The following FNDC3A variants were observed in gnomAD, a reference collection of about 807,000 sequenced individuals.
FNDC3A encodes fibronectin type-III domain-containing protein 3A.
A neutral mutation model predicts 148.9 loss-of-function variants in FNDC3A; 32 were observed. The ratio of observed to expected loss-of-function variants is 0.21; its 90% CI spans 0.16 to 0.29. The LOEUF (loss-of-function observed/expected upper bound fraction) is 0.29. FNDC3A is among the 10% of genes least tolerant of loss of function. The pLI is 1.00. For missense variants in FNDC3A, 1,191 were observed against 1,452.8 expected (o/e 0.82, Z 2.93); for synonymous variants, 472 against 473.6 (o/e 1.00, Z 0.04).
intron 13 of FNDC3A, 79 bp from the exon 14 acceptor site, chr13:49,178,489 G>A (rs994608079): frequency 2.0e-5 from 17 of 851,820 alleles, no homozygotes; most frequent in Middle Eastern, 3.1e-4. Context: ...AGAGAAACCC[G>A]GGTCTTTTCA....
intron 1 of FNDC3A, among the ~76,000 whole-genome samples, chr13:48,984,573 C>G (rs1215811511): frequency 6.6e-6 from 1 of 152,150 alleles, no homozygotes; most frequent in Non-Finnish European, 1.5e-5. Flanking sequence ...AAGAACTGGT[C>G]TATAAAGGGT....
chr13:48,997,710 A>C (rs560481247), intron 1 of FNDC3A, among the ~76,000 whole-genome samples: 1 of 152,276 alleles, frequency 6.6e-6, no homozygotes, highest in East Asian at 1.9e-4. Flanking sequence ...TGGCCTCCGT[A>C]ACTGTTAAAA....
chr13:49,159,943 A>C lies in FNDC3A; in HGVS notation c.978-7301A>C, dbSNP rs570911614. Among the ~76,000 whole-genome samples the C allele has an allele frequency of 1.4e-3, 217 of 152,326 alleles. 1 individual carries two copies. Among genetic ancestry groups the C allele is most frequent in the Middle Eastern group, 0.01 (3 of 294 alleles). ...GTTTATTGATTTGCATACGTTGAAC[A>C]AGCCTTGCATCCCAGGGATGAAGCC... On this transcript the variant is annotated intron_variant, in intron 8 of 25. Coordinates refer to ENST00000492622, the MANE Select transcript of FNDC3A (RefSeq NM_001079673.2).
At chr13:48,991,830 A>C (rs1951925326) in intron 1 of FNDC3A, among the ~76,000 whole-genome samples, 1 of 152,248 alleles carries the variant, frequency 6.6e-6, no homozygotes, top group African/African-American at 2.4e-5. Context: ...GTCAGAAATG[A>C]GTTTAATTCA....
At chr13:49,205,418 T>C (rs1315588673) in intron 25 of FNDC3A, among the ~76,000 whole-genome samples, 1 of 152,214 alleles carries the variant, frequency 6.6e-6, no homozygotes, top group Non-Finnish European at 1.5e-5. Context: ...CATTCTGTTT[T>C]AAGTGAATCC....
Position 49,174,479 on chromosome 13 carries a change from G to A in FNDC3A, c.1275G>A (p.Gln425=), listed in dbSNP as rs748267860. Residue 425 remains glutamine (Q), a synonymous_variant, in exon 12 of 26, where the codon CAG becomes CAA. Transcript: ENST00000492622. ...TTTGTCAGTGTTACATGGGCTCACA[G>A]AAACAATTTAAAATTACTAAACTTT... ...GEFCQCYMGS[Q]KQFKITKLSP... 3 of 1,612,386 alleles carry A rather than the reference G, an allele frequency of 1.9e-6. No homozygotes were observed. Among genetic ancestry groups the A allele is most frequent in the Non-Finnish European group, 1.7e-6 (2 of 1,178,812 alleles).
At chr13:49,041,070 T>C (rs1027638584) in intron 2 of FNDC3A, among the ~76,000 whole-genome samples, 8 of 152,324 alleles carry the variant, frequency 5.3e-5, no homozygotes, top group East Asian at 3.9e-4. Context: ...TTTGAAGATA[T>C]ATGAGTCCTG....
intron 2 of FNDC3A, among the ~76,000 whole-genome samples, chr13:49,063,306 T>C (rs953366163): frequency 2.6e-5 from 4 of 152,200 alleles, no homozygotes; most frequent in African/African-American, 7.2e-5. Context: ...AATATGATTT[T>C]AAAAGGAAAG....
chr13:49,032,047 A>G (rs889089137), intron 2 of FNDC3A, among the ~76,000 whole-genome samples: 1 of 152,244 alleles, frequency 6.6e-6, no homozygotes, highest in South Asian at 2.1e-4. Flanking sequence ...AAGATTCACA[A>G]CATCATCAGT....
At chr13:49,091,896 G>C (rs1483205769) in intron 3 of FNDC3A, among the ~76,000 whole-genome samples, 14 of 152,232 alleles carry the variant, frequency 9.2e-5, no homozygotes, top group Admixed American at 9.2e-4. Flanking sequence ...GGGTCAGAAA[G>C]CACCCAGTTC....
intron 2 of FNDC3A, among the ~76,000 whole-genome samples, chr13:49,049,004 T>C (rs1301519493): frequency 6.6e-6 from 1 of 152,154 alleles, no homozygotes; most frequent in Non-Finnish European, 1.5e-5. Flanking sequence ...ATGCTGATTT[T>C]GCTGTCTTAA....
At chr13:49,181,147 G>A (rs1885281228) in intron 14 of FNDC3A, among the ~76,000 whole-genome samples, 1 of 152,134 alleles carries the variant, frequency 6.6e-6, no homozygotes, top group South Asian at 2.1e-4. Flanking sequence ...TTTCAGGGGA[G>A]GGAGAAGTAT....
chr13:49,030,864 C>CT (rs1206490824), intron 2 of FNDC3A, among the ~76,000 whole-genome samples: 1 of 152,008 alleles, frequency 6.6e-6, no homozygotes, highest in African/African-American at 2.4e-5. Context: ...AAGACTTAAA[C>CT]AAGTGGAAAA....
chr13:49,041,212 T>C (rs959524968), intron 2 of FNDC3A, among the ~76,000 whole-genome samples: 1 of 152,206 alleles, frequency 6.6e-6, no homozygotes, highest in Admixed American at 6.5e-5. Flanking sequence ...ATACTACACA[T>C]ACATCTGTGT....
intron 14 of FNDC3A, among the ~76,000 whole-genome samples, chr13:49,184,173 A>T (rs1181956158): frequency 6.6e-6 from 1 of 152,190 alleles, no homozygotes; most frequent in Non-Finnish European, 1.5e-5. Context: ...TAGCACAAAG[A>T]CCCTACAGTG....
intron 2 of FNDC3A, among the ~76,000 whole-genome samples, chr13:49,028,591 G>T (rs1873893447): frequency 6.6e-6 from 1 of 152,096 alleles, no homozygotes; most frequent in Non-Finnish European, 1.5e-5. Flanking sequence ...GTAAAAGATA[G>T]AATAAGAGAA....
At chr13:49,090,722 C>T (rs1479881962) in intron 3 of FNDC3A, among the ~76,000 whole-genome samples, 1 of 152,048 alleles carries the variant, frequency 6.6e-6, no homozygotes, top group African/African-American at 2.4e-5. Flanking sequence ...GTACCATAGG[C>T]CAGGCTCAGT....
chr13:49,083,598 C>G (rs931090972), intron 3 of FNDC3A, among the ~76,000 whole-genome samples: 2 of 152,050 alleles, frequency 1.3e-5, no homozygotes, highest in South Asian at 4.1e-4. Flanking sequence ...TATAGAAATG[C>G]GTGAAGGATG....
At chr13:49,083,048 G>C (rs1878582860) in intron 3 of FNDC3A, among the ~76,000 whole-genome samples, 1 of 152,102 alleles carries the variant, frequency 6.6e-6, no homozygotes, top group African/African-American at 2.4e-5. Context: ...AGGGTAAAAA[G>C]GGCATCCACA....
Sources: gnomAD v4.1 joint callset for allele counts (sites outside exome capture counted in the v4.1 genomes callset) on GRCh38, gnomAD v4.1.1 for gene constraint, MANE v1.5 for transcripts, NCBI Gene and HGNC (gene_info 2026-07-23, HGNC 2026-07-21) for gene names.